Variants in SLC25A53 observed in about 807,000 individuals in gnomAD.
SLC25A53 encodes the protein solute carrier family 25 member 53.
In SLC25A53, 5 loss-of-function variants were observed where a neutral mutation model predicts 15.0. That is an observed-to-expected ratio of 0.33 (90% CI 0.17 to 0.70). The LOEUF (loss-of-function observed/expected upper bound fraction) is 0.70, where lower values mean the gene tolerates loss of function less well. Among genes scored for constraint, SLC25A53 ranks in the 30% least tolerant of loss-of-function variants. The pLI is 0.67. For missense variants in SLC25A53, 216 were observed against 241.6 expected (o/e 0.89, Z 0.70); for synonymous variants, 95 against 100.0 (o/e 0.95, Z 0.30).
chrX:104,146,253 C>T (rs1303129294), intron 1 of SLC25A53, among the ~76,000 whole-genome samples: 1 of 112,125 alleles, frequency 8.9e-6, no homozygotes, highest in Non-Finnish European at 1.9e-5. Context: ...CAAAATTCAA[C>T]AGCCCTTCAT....
chrX:104,137,605 C>T (rs1045167009), intron 1 of SLC25A53, among the ~76,000 whole-genome samples: 2 of 111,671 alleles, frequency 1.8e-5, no homozygotes, highest in Non-Finnish European at 3.8e-5. Flanking sequence ...TGAAAACCTG[C>T]ACTCTTTTAT....
intron 1 of SLC25A53, among the ~76,000 whole-genome samples, chrX:104,155,063 G>T (rs2075496303): frequency 9.0e-6 from 1 of 111,118 alleles, no homozygotes; most frequent in Non-Finnish European, 1.9e-5. Context: ...GATTTTCTAA[G>T]CAGTGTCAAA....
chrX:104,134,455 A>C (rs2075432151), intron 1 of SLC25A53, among the ~76,000 whole-genome samples: 1 of 111,474 alleles, frequency 9.0e-6, no homozygotes, highest in African/African-American at 3.3e-5. Flanking sequence ...CCCCACATCT[A>C]ATCAAGGCAA....
chrX:104,114,590 T>C (rs1307117802), intron 1 of SLC25A53: 1 of 1,210,131 alleles, frequency 8.3e-7, no homozygotes, highest in African/African-American at 1.8e-5. Context: ...CAGAATGCTA[T>C]TCAGGCAGGC....
At position 104,150,771 on chromosome X, in the gene SLC25A53, G is replaced by A. The variant is rs782360685; in HGVS notation, c.-32+6107C>T. Among the ~76,000 whole-genome samples, 13 of 111,467 alleles carry A rather than the reference G, an allele frequency of 1.2e-4. No individual in the cohort carries two copies. In the East Asian group the frequency reaches 3.4e-3, roughly 29 times the overall value. On this transcript the variant is annotated intron_variant, in intron 1 of 1. Coordinates refer to ENST00000594199, the MANE Select transcript of SLC25A53 (RefSeq NM_001012755.5). ...ATCTTCCCCAAATTCACCTAACACA[G>A]ATTCAAATCCCGTAATAAGTCCTTT...
chrX:104,138,217 T>G (rs1275268609), intron 1 of SLC25A53, among the ~76,000 whole-genome samples: 1 of 109,792 alleles, frequency 9.1e-6, no homozygotes, highest in Non-Finnish European at 1.9e-5. Context: ...GAGACCAGCC[T>G]GAGTAACAGG....
chrX:104,114,129 G>A (rs782415322), intron 1 of SLC25A53: 1 of 1,211,504 alleles, frequency 8.3e-7, no homozygotes, highest in Non-Finnish European at 1.1e-6. Context: ...GCATCACTGC[G>A]TGTGTGGGTA....
chrX:104,135,870 G>A (rs890018588), intron 1 of SLC25A53, among the ~76,000 whole-genome samples: 3 of 111,933 alleles, frequency 2.7e-5, no homozygotes, highest in Non-Finnish European at 5.6e-5. Flanking sequence ...ATCTATCTGA[G>A]AAGACAGACA....
At chrX:104,117,197 T>A (rs1335883905) in intron 1 of SLC25A53, among the ~76,000 whole-genome samples, 1 of 64,633 alleles carries the variant, frequency 1.5e-5, no homozygotes, top group Non-Finnish European at 2.8e-5. Context: ...TCCCCCCTGC[T>A]CCATCCATAT....
rs1342323866 is a variant in SLC25A53 at position 104,099,860 on chromosome X, C to A, written c.*4474G>T. On this transcript the variant is annotated 3_prime_UTR_variant, in exon 2 of 2. Transcript: ENST00000594199. ...TGTTCTTTAAACTGGCAGTTCTCTT[C>A]TGAATGTATCTGTTTTCTTAATGAA... 9.0e-6 allele frequency: 1 copy of A among 110,786 alleles called. No individual in the cohort carries two copies. Among genetic ancestry groups the A allele is most frequent in the Non-Finnish European group, 1.9e-5 (1 of 52,939 alleles). 9.1% of individuals were successfully genotyped at this position (110,786 alleles called of 1,213,427 possible).
intron 1 of SLC25A53, among the ~76,000 whole-genome samples, chrX:104,150,875 C>G (rs1272482935): frequency 9.0e-6 from 1 of 111,434 alleles, no homozygotes; most frequent in African/African-American, 3.3e-5. Flanking sequence ...AGCAATCAAC[C>G]CAACCTGTTC....
intron 1 of SLC25A53, among the ~76,000 whole-genome samples, chrX:104,110,866 G>A (rs1408437553): frequency 8.9e-6 from 1 of 112,568 alleles, no homozygotes; most frequent in Non-Finnish European, 1.9e-5. Context: ...GCTGTGGTTT[G>A]GGGGTTAGGT....
At chrX:104,121,679 AG>A (rs1323174010) in intron 1 of SLC25A53, among the ~76,000 whole-genome samples, 21 of 107,970 alleles carry the variant, frequency 1.9e-4, no homozygotes, top group Admixed American at 6.1e-4. Flanking sequence ...ATGATTTGGC[AG>A]GAGGAGCGGG....
rs1382539303 is a variant in SLC25A53 at position 104,099,684 on chromosome X, AG to A, written c.*4649del. On this transcript the variant is annotated 3_prime_UTR_variant, in exon 2 of 2. Transcript: ENST00000594199. ...ATAAGGAAGAAAACTTATAAACAAAAGCAAAGAAATTATTATTACAAAAGTC... is the reference window on the plus strand; with the variant it reads ...ATAAGGAAGAAAACTTATAAACAAAACAAAGAAATTATTATTACAAAAGTC... The A allele has an allele frequency of 8.9e-6, 1 of 112,163 alleles. No individual in the cohort carries two copies. Among genetic ancestry groups the A allele is most frequent in the Non-Finnish European group, 1.9e-5 (1 of 53,243 alleles). The allele number at this position is 112,163 out of a possible 1,213,427, so 9.2% of individuals were successfully genotyped here.
chrX:104,133,765 C>A (rs782688643), intron 1 of SLC25A53, among the ~76,000 whole-genome samples: 1 of 111,086 alleles, frequency 9.0e-6, no homozygotes, highest in Admixed American at 9.6e-5. Flanking sequence ...AGGACAAGTA[C>A]AATCAGAGAC....
intron 1 of SLC25A53, among the ~76,000 whole-genome samples, chrX:104,154,335 A>G (rs1556370990): frequency 8.9e-6 from 1 of 112,355 alleles, no homozygotes; most frequent in Admixed American, 9.4e-5. Flanking sequence ...AAGGTGAAAG[A>G]TAACAGGCCA....
chrX:104,146,858 G>A (rs1402680391), intron 1 of SLC25A53, among the ~76,000 whole-genome samples: 2 of 111,023 alleles, frequency 1.8e-5, no homozygotes, highest in East Asian at 2.8e-4. Flanking sequence ...AATCAATATC[G>A]TGAAAATGGC....
intron 1 of SLC25A53, among the ~76,000 whole-genome samples, chrX:104,145,582 A>G (rs1421362044): frequency 8.9e-6 from 1 of 112,067 alleles, no homozygotes; most frequent in Non-Finnish European, 1.9e-5. Context: ...ATAAAGAAGA[A>G]AAGAGAAGAA....
At chrX:104,107,532 C>T (rs782786129) in intron 1 of SLC25A53, among the ~76,000 whole-genome samples, 74 of 112,357 alleles carry the variant, frequency 6.6e-4, no homozygotes, top group Admixed American at 2.2e-3. Flanking sequence ...CTACAGAAGC[C>T]CCCAACAGTC....
Sources: allele counts gnomAD v4.1 joint callset (sites outside exome capture counted in the v4.1 genomes callset), GRCh38; gene constraint gnomAD v4.1.1; transcripts MANE v1.5; gene names NCBI Gene and HGNC (gene_info 2026-07-23, HGNC 2026-07-21).